The following INO80 variants were observed in gnomAD, a reference collection of about 807,000 sequenced individuals.
The protein encoded by INO80 is INO80 complex ATPase subunit.
INO80 carries 20 observed loss-of-function variants against 203.4 expected under a neutral mutation model. That is an observed-to-expected ratio of 0.10 (90% CI 0.07 to 0.14). INO80 has a LOEUF of 0.14. Ranked by LOEUF, INO80 falls within the 10% of genes least tolerant of loss-of-function variation. The probability of loss-of-function intolerance (pLI) is 1.00; values close to 1 mark genes in which losing one functional copy is unlikely to be tolerated. For synonymous variants in INO80, 726 were observed against 685.2 expected (o/e 1.06, Z -0.93); for missense variants, 1,419 against 1,914.4 (o/e 0.74, Z 4.83).
At chr15:41,036,997 G>C (rs532180250) in intron 24 of INO80, among the ~76,000 whole-genome samples, 1 of 152,230 alleles carries the variant, frequency 6.6e-6, no homozygotes, top group African/African-American at 2.4e-5. Context: ...CAGCTACTTG[G>C]GAGGCTGAGG....
At chr15:41,095,471 A>C (rs2045708784) in intron 4 of INO80, 130 bp downstream of exon 4, 1 of 672,876 alleles carries the variant, frequency 1.5e-6, no homozygotes, top group African/African-American at 1.8e-5. Context: ...CTTCAAAAAA[A>C]CCACATCCAG....
At chr15:41,014,397 C>T (rs1423316583) in intron 27 of INO80, among the ~76,000 whole-genome samples, 1 of 152,060 alleles carries the variant, frequency 6.6e-6, no homozygotes, top group Non-Finnish European at 1.5e-5. Context: ...AAAAAGAGCC[C>T]CACTGCAGGA....
At chr15:41,009,780 A>C (rs2044106491) in intron 27 of INO80, among the ~76,000 whole-genome samples, 1 of 151,922 alleles carries the variant, frequency 6.6e-6, no homozygotes, top group South Asian at 2.1e-4. Context: ...TTAAATTTTT[A>C]TAGAGATGGG....
chr15:41,036,075 G>C (rs1208938528), intron 24 of INO80, among the ~76,000 whole-genome samples: 1 of 130,406 alleles, frequency 7.7e-6, no homozygotes, highest in Non-Finnish European at 1.6e-5. Context: ...AGAATCACTG[G>C]AACCCAGGAG....
chr15:41,018,048 T>C (rs189588619), intron 26 of INO80: 1 of 152,252 alleles, frequency 6.6e-6, no homozygotes, highest in East Asian at 1.9e-4. Flanking sequence ...TCAATTTTGA[T>C]AGCTCCTAAA....
intron 1 of INO80, 49 bp from the exon 2 acceptor site, chr15:41,096,402 C>T (rs902695470): frequency 3.5e-5 from 46 of 1,321,952 alleles, no homozygotes; most frequent in Non-Finnish European, 4.5e-5. Context: ...ATCCATTCTC[C>T]CTTTCTCTTG....
intron 29 of INO80, among the ~76,000 whole-genome samples, chr15:40,988,918 G>A (rs1409993370): frequency 6.6e-6 from 1 of 152,104 alleles, no homozygotes; most frequent in Non-Finnish European, 1.5e-5. Context: ...GGGAGGCTAA[G>A]GCAGGGGAAT....
intron 1 of INO80, among the ~76,000 whole-genome samples, chr15:41,107,135 T>C (rs1454984462): frequency 1.3e-5 from 2 of 152,260 alleles, no homozygotes; most frequent in Non-Finnish European, 2.9e-5. Flanking sequence ...TAGTTTCTCC[T>C]GTCAAGATTT....
chr15:41,051,206 A>C (rs946046288), intron 19 of INO80, among the ~76,000 whole-genome samples: 1 of 151,074 alleles, frequency 6.6e-6, no homozygotes, highest in African/African-American at 2.4e-5. Flanking sequence ...TAACCTCCTC[A>C]CATACCACTT....
At position 41,053,949 on chromosome 15, in the gene INO80, C is replaced by G; in HGVS notation, c.2254G>C (p.Glu752Gln). The G allele has an allele frequency of 6.2e-7, 1 of 1,613,622 alleles. No homozygotes were observed. The highest frequency in any genetic ancestry group is 8.5e-7 in the Non-Finnish European group (1 of 1,179,714). Residue 752 changes from glutamate (E) to glutamine (Q), a missense_variant, in exon 19 of 36, where the codon GAA becomes CAA. Physicochemically the swap from Glu to Gln is conservative, Grantham distance 29 (BLOSUM62 2). Around this residue, in one of 9 missense-constraint regions of INO80, gnomAD observed 192 missense variants for 406.7 expected, o/e 0.47. Coordinates refer to ENST00000648947, the MANE Select transcript of INO80 (RefSeq NM_017553.3). ...CTTACCTTGTCAGATAATTCATTTT[C>G]CACATCTTTCTTGATTCTCCTCAGC... ...FMLRRIKKDVENELSDKIEIL... is the reference protein window; with the variant it reads ...FMLRRIKKDVQNELSDKIEIL...
At chr15:41,101,769 C>G (rs991659765) in intron 1 of INO80, among the ~76,000 whole-genome samples, 2 of 151,942 alleles carry the variant, frequency 1.3e-5, no homozygotes, top group Non-Finnish European at 2.9e-5. Flanking sequence ...CCAGGATGAT[C>G]TCGATCTCCT....
intron 16 of INO80, among the ~76,000 whole-genome samples, chr15:41,057,073 C>A (rs1276160367): frequency 6.6e-6 from 1 of 152,170 alleles, no homozygotes; most frequent in East Asian, 1.9e-4. Context: ...TTAATCTGTG[C>A]ACTTCCAGTA....
At chr15:41,022,722 G>T (rs1184355603) in intron 25 of INO80, among the ~76,000 whole-genome samples, 1 of 152,170 alleles carries the variant, frequency 6.6e-6, no homozygotes, top group Non-Finnish European at 1.5e-5. Context: ...AGCAAACTGG[G>T]CCTGGAGTTC....
At chr15:41,014,893 A>G (rs1459691951) in intron 27 of INO80, among the ~76,000 whole-genome samples, 1 of 152,196 alleles carries the variant, frequency 6.6e-6, no homozygotes, top group Admixed American at 6.5e-5. Context: ...GATAAGGAAA[A>G]TAACAGTACA....
At chr15:41,075,744 A>G (rs1475973575) in intron 9 of INO80, among the ~76,000 whole-genome samples, 1 of 151,994 alleles carries the variant, frequency 6.6e-6, no homozygotes, top group Non-Finnish European at 1.5e-5. Context: ...GTGAGCCACC[A>G]TGCCCAGCCC....
In INO80 at chr15:41,044,954, C is replaced by G. The variant is rs2044728767; in HGVS notation, c.2857G>C (p.Val953Leu). 2 of 1,613,832 alleles carry G rather than the reference C, an allele frequency of 1.2e-6. No individual in the cohort carries two copies. The highest frequency in any genetic ancestry group is 1.7e-6 in the Non-Finnish European group (2 of 1,179,914). ...TTTGGAAAGGAGAGTGGAAAATTAA[C>G]CCCAAGAAGGAAATCCTTGTTCCTC... ...YLRNKDFLLG[V>L]NFPLSFPNLC... The change falls in exon 24 of 36, where the codon GTT (valine) becomes CTT (leucine). Residue 953 changes from valine (V) to leucine (L), a missense_variant. Physicochemically the swap from Val to Leu is conservative, Grantham distance 32. Coordinates refer to ENST00000648947, the MANE Select transcript of INO80 (RefSeq NM_017553.3).
chr15:41,041,434 T>C (rs1167016360), intron 24 of INO80, among the ~76,000 whole-genome samples: 1 of 151,400 alleles, frequency 6.6e-6, no homozygotes, highest in Non-Finnish European at 1.5e-5. Flanking sequence ...TCTAGTTCTT[T>C]TTTTTTTTTT....
intron 17 of INO80, among the ~76,000 whole-genome samples, 156 bp downstream of exon 17, chr15:41,056,466 T>C (rs1201080764): frequency 6.6e-6 from 1 of 152,258 alleles, no homozygotes; most frequent in Non-Finnish European, 1.5e-5. Context: ...GAATGATGCC[T>C]ATGCCTAAAA....
At chr15:40,991,461 A>G (rs963022338) in intron 29 of INO80, among the ~76,000 whole-genome samples, 3 of 152,174 alleles carry the variant, frequency 2.0e-5, no homozygotes, top group East Asian at 3.8e-4. Context: ...ACTGTGGAAC[A>G]GGGATGATGC....
Sources: allele counts gnomAD v4.1 joint callset (sites outside exome capture counted in the v4.1 genomes callset), GRCh38; gene constraint gnomAD v4.1.1; regional missense constraint gnomAD v4.1.1; transcripts MANE v1.5; gene names NCBI Gene and HGNC (gene_info 2026-07-23, HGNC 2026-07-21).